The following BACH2 variants were observed in gnomAD, a reference collection of about 807,000 sequenced individuals.
BACH2 encodes the protein BACH transcriptional regulator 2.
Under a neutral mutation model 61.8 loss-of-function variants are expected in BACH2, and 5 were observed. The observed-to-expected ratio is 0.08, with a 90% CI of 0.04 to 0.17. BACH2 has a LOEUF of 0.17. Among genes scored for constraint, BACH2 ranks in the 10% least tolerant of loss-of-function variants. The pLI is 1.00. For missense variants in BACH2, 824 were observed against 1,091.1 expected (o/e 0.76, Z 3.45); for synonymous variants, 446 against 440.1 (o/e 1.01, Z -0.17).
chr6:90,173,576 G>C (rs1431250792), intron 4 of BACH2, among the ~76,000 whole-genome samples: 1 of 152,106 alleles, frequency 6.6e-6, no homozygotes, highest in African/African-American at 2.4e-5. Flanking sequence ...AAACACAAAA[G>C]TCTACTTACT....
intron 4 of BACH2, among the ~76,000 whole-genome samples, chr6:90,127,802 G>A (rs1440335682): frequency 1.3e-5 from 2 of 152,188 alleles, no homozygotes; most frequent in Non-Finnish European, 1.5e-5. Context: ...AGTTCCTGCT[G>A]AGCAGCGTCC....
At chr6:90,219,781 CACAT>C (rs1390176872) in intron 3 of BACH2, among the ~76,000 whole-genome samples, 2 of 40,802 alleles carry the variant, frequency 4.9e-5, no homozygotes, top group African/African-American at 1.6e-4. Context: ...GGCTTTAAAA[CACAT>C]ACACACACAC....
At position 90,265,248 on chromosome 6, in the gene BACH2, C is replaced by T. The variant is rs114736962; in HGVS notation, c.-353+6601G>A. 2.1e-3 allele frequency among the ~76,000 whole-genome samples: 313 copies of T among 152,286 alleles called. 1 individual carries two copies. The highest frequency in any genetic ancestry group is 7.4e-3 in the African/African-American group (307 of 41,570). On this transcript the variant is annotated intron_variant, in intron 2 of 8. Transcript: ENST00000257749. ...GAGAGAGCATGGTGGAGGACAGTTG[C>T]TTCTCCCTTTTTTATAAAATCCTTC...
intron 4 of BACH2, among the ~76,000 whole-genome samples, chr6:90,142,860 A>G (rs1220555772): frequency 1.3e-5 from 2 of 152,240 alleles, no homozygotes; most frequent in African/African-American, 4.8e-5. Context: ...GAATAATAAA[A>G]AAAAGGAAGA....
chr6:90,192,702 G>C (rs1021247847), intron 4 of BACH2, among the ~76,000 whole-genome samples: 1 of 152,144 alleles, frequency 6.6e-6, no homozygotes, highest in Non-Finnish European at 1.5e-5. Flanking sequence ...CATTCATTTG[G>C]ATTTCACTAG....
chr6:90,090,430 T>A (rs1040801883), intron 4 of BACH2, among the ~76,000 whole-genome samples: 2 of 152,190 alleles, frequency 1.3e-5, no homozygotes, highest in Non-Finnish European at 2.9e-5. Flanking sequence ...CAATTTATAT[T>A]TTTTTTCAGC....
At chr6:90,148,619 T>C (rs572821408) in intron 4 of BACH2, among the ~76,000 whole-genome samples, 11 of 152,012 alleles carry the variant, frequency 7.2e-5, no homozygotes, top group South Asian at 6.2e-4. Context: ...ATGGTAAAAA[T>C]TGAAGAGATT....
At chr6:90,141,893 C>A (rs1483748034) in intron 4 of BACH2, among the ~76,000 whole-genome samples, 1 of 152,134 alleles carries the variant, frequency 6.6e-6, no homozygotes, top group Non-Finnish European at 1.5e-5. Context: ...CCAACCTGGC[C>A]AACATGGCAA....
chr6:90,253,436 A>T (rs1408376716), intron 2 of BACH2, among the ~76,000 whole-genome samples: 1 of 152,130 alleles, frequency 6.6e-6, no homozygotes, highest in Non-Finnish European at 1.5e-5. Context: ...GTAAACTGAT[A>T]ATTAGAATTA....
At chr6:90,179,112 C>CA (rs1330681507) in intron 4 of BACH2, among the ~76,000 whole-genome samples, 1 of 152,020 alleles carries the variant, frequency 6.6e-6, no homozygotes, top group African/African-American at 2.4e-5. Context: ...GGCATTTGAA[C>CA]AGTCAGTCAG....
intron 1 of BACH2, among the ~76,000 whole-genome samples, chr6:90,280,927 C>T (rs1771841189): frequency 6.6e-6 from 1 of 152,248 alleles, no homozygotes; most frequent in African/African-American, 2.4e-5. Context: ...CTCCCAACAT[C>T]TCCTCTTCTC....
intron 5 of BACH2, among the ~76,000 whole-genome samples, chr6:90,025,132 T>C (rs1334097743): frequency 6.6e-6 from 1 of 152,182 alleles, no homozygotes; most frequent in African/African-American, 2.4e-5. Flanking sequence ...AGGGAGCCCA[T>C]GTCAGGCCAT....
At chr6:90,101,186 T>C in intron 4 of BACH2, among the ~76,000 whole-genome samples, 1 of 152,234 alleles carries the variant, frequency 6.6e-6, no homozygotes, top group East Asian at 1.9e-4. Flanking sequence ...CTCCCATCTG[T>C]GGACCATCTT....
chr6:90,241,203 T>C (rs535103963), intron 3 of BACH2, among the ~76,000 whole-genome samples: 19 of 150,950 alleles, frequency 1.3e-4, no homozygotes, highest in African/African-American at 4.6e-4. Flanking sequence ...TAATAATATA[T>C]ATGTATAATA....
intron 1 of BACH2, among the ~76,000 whole-genome samples, chr6:90,273,283 A>C (rs1771587851): frequency 6.6e-6 from 1 of 152,126 alleles, no homozygotes. Flanking sequence ...ACTCGAGCCC[A>C]GGAGTTCGAG....
intron 5 of BACH2, among the ~76,000 whole-genome samples, chr6:90,085,224 T>C (rs556450960): frequency 6.6e-6 from 1 of 152,278 alleles, no homozygotes; most frequent in East Asian, 1.9e-4. Flanking sequence ...GGCATCATAA[T>C]AATCATAGGC....
chr6:90,148,601 C>T (rs1414572559), intron 4 of BACH2, among the ~76,000 whole-genome samples: 1 of 151,950 alleles, frequency 6.6e-6, no homozygotes, highest in Non-Finnish European at 1.5e-5. Context: ...GAGGAATATT[C>T]AAGTGACATG....
chr6:89,992,275 G>C (rs940953094), intron 6 of BACH2, among the ~76,000 whole-genome samples: 2 of 152,146 alleles, frequency 1.3e-5, no homozygotes, highest in Admixed American at 1.3e-4. Flanking sequence ...TTGCACAAAA[G>C]GAAGCATACC....
At chr6:90,014,665 G>A (rs565634239) in intron 5 of BACH2, among the ~76,000 whole-genome samples, 4 of 150,614 alleles carry the variant, frequency 2.7e-5, no homozygotes, top group South Asian at 2.1e-4. Flanking sequence ...TAGTAGAGAC[G>A]GGTTTCACCA....
Sources: gnomAD v4.1 joint callset for allele counts (sites outside exome capture counted in the v4.1 genomes callset) on GRCh38, gnomAD v4.1.1 for gene constraint, MANE v1.5 for transcripts, NCBI Gene and HGNC (gene_info 2026-07-23, HGNC 2026-07-21) for gene names.